ZNF138: variants seen among roughly 807,000 people sequenced by gnomAD.
ZNF138 encodes the protein zinc finger protein 138 (clone pHZ-32).
A neutral mutation model predicts 33.0 loss-of-function variants in ZNF138; 33 were observed. The observed-to-expected ratio is 1.00, with a 90% CI of 0.76 to 1.34. The LOEUF is 1.34. ZNF138 is among the 40% of genes most tolerant of loss of function. The pLI is 0.00. For missense variants in ZNF138, 360 were observed against 370.8 expected, an observed-to-expected ratio of 0.97 and a Z score of 0.24; for synonymous variants, 139 against 120.4, an observed-to-expected ratio of 1.15 and a Z score of -1.01.
In ZNF138 at chr7:64,805,054, C is replaced by G. The variant is rs573316387; in HGVS notation, c.4-9864C>G. On this transcript the variant is annotated intron_variant, in intron 1 of 3. Transcript: ENST00000307355. ...GGAGAACTCTTGGAGCTATCCCTAT[C>G]TGGACTCATGCTGAAAATCCAGCAG... is the stretch of plus-strand genomic sequence containing the variant. Among the ~76,000 whole-genome samples, 6 of 152,258 alleles carry G rather than the reference C, an allele frequency of 3.9e-5. No homozygotes were observed. In the South Asian group the frequency reaches 8.3e-4, roughly 21 times the overall value.
At chr7:64,845,746 G>A in the ZNF138 span, among the ~76,000 whole-genome samples, 2 of 152,040 alleles carry the variant, frequency 1.3e-5, no homozygotes, top group East Asian at 3.9e-4. Context: ...GTCTTTTCGT[G>A]TTTTTAGCAC....
chr7:64,813,503 C>G (rs1362309515), intron 1 of ZNF138, among the ~76,000 whole-genome samples: 2 of 151,052 alleles, frequency 1.3e-5, no homozygotes, highest in Admixed American at 1.3e-4. Flanking sequence ...GCGGGATCTC[C>G]GCTCACTGCA....
intron 1 of ZNF138, among the ~76,000 whole-genome samples, chr7:64,796,703 G>A (rs1786713903): frequency 6.6e-6 from 1 of 152,154 alleles, no homozygotes; most frequent in Non-Finnish European, 1.5e-5. Context: ...ATGCTACCAA[G>A]GAAAAGAATA....
the ZNF138 span, among the ~76,000 whole-genome samples, chr7:64,841,460 T>A: frequency 6.6e-6 from 1 of 152,042 alleles, no homozygotes; most frequent in Non-Finnish European, 1.5e-5. Context: ...TGCTCCATGA[T>A]AAGCCATAAA....
chr7:64,839,180 G>C, the ZNF138 span, among the ~76,000 whole-genome samples: 4 of 152,178 alleles, frequency 2.6e-5, no homozygotes, highest in South Asian at 2.1e-4. Flanking sequence ...GTGTGCCTTC[G>C]GGGGGCCAGC....
At chr7:64,848,436 A>G in the ZNF138 span, among the ~76,000 whole-genome samples, 23 of 151,518 alleles carry the variant, frequency 1.5e-4, no homozygotes, top group African/African-American at 5.6e-4. Flanking sequence ...GCTTGATTCT[A>G]TTGCTGAGAC....
At chr7:64,837,850 G>A (rs1385911903), downstream of ZNF138, among the ~76,000 whole-genome samples, 1 of 152,178 alleles carries the variant, frequency 6.6e-6, no homozygotes, top group Admixed American at 6.5e-5. Flanking sequence ...CTGAGAAAGT[G>A]TTTACTAAAG....
At chr7:64,838,431 G>A (rs1057125160), downstream of ZNF138, among the ~76,000 whole-genome samples, 16 of 152,034 alleles carry the variant, frequency 1.1e-4, no homozygotes, top group South Asian at 6.2e-4. Context: ...CTGAGTTGCC[G>A]CACTTGAAGC....
chr7:64,799,110 A>G (rs1310441769), intron 1 of ZNF138, among the ~76,000 whole-genome samples: 1 of 151,988 alleles, frequency 6.6e-6, no homozygotes, highest in Non-Finnish European at 1.5e-5. Flanking sequence ...GATAAGAATG[A>G]CATTAGATCT....
At chr7:64,820,330 T>C (rs1469396929) in intron 3 of ZNF138, among the ~76,000 whole-genome samples, 2 of 151,772 alleles carry the variant, frequency 1.3e-5, no homozygotes, top group East Asian at 3.9e-4. Context: ...TCAGGTGATA[T>C]AATATTCTCA....
At chr7:64,837,842 G>C (rs1031692541), downstream of ZNF138, among the ~76,000 whole-genome samples, 2 of 152,204 alleles carry the variant, frequency 1.3e-5, no homozygotes, top group African/African-American at 4.8e-5. Context: ...AACCTAACCT[G>C]AGAAAGTGTT....
chr7:64,853,082 A>G, the ZNF138 span: 1 of 1,418,840 alleles, frequency 7.0e-7, no homozygotes, highest in Non-Finnish European at 1.0e-6. Flanking sequence ...AGAGTCGTCT[A>G]CAATTGGGTA....
At chr7:64,839,193 G>T in the ZNF138 span, among the ~76,000 whole-genome samples, 1 of 152,230 alleles carries the variant, frequency 6.6e-6, no homozygotes, top group African/African-American at 2.4e-5. Flanking sequence ...GGGCCAGCGA[G>T]ATTGGTTGTC....
chr7:64,849,820 G>C, the ZNF138 span, among the ~76,000 whole-genome samples: 1 of 151,988 alleles, frequency 6.6e-6, no homozygotes, highest in Non-Finnish European at 1.5e-5. Context: ...CAAGAGCACC[G>C]AGTGTTCTGC....
intron 1 of ZNF138, among the ~76,000 whole-genome samples, chr7:64,809,595 GACC>G (rs1787950295): frequency 6.9e-6 from 1 of 145,974 alleles, no homozygotes; most frequent in Admixed American, 6.7e-5. Context: ...GCGGGGGGCT[GACC>G]CCCCCCACAC....
At chr7:64,834,996 A>G (rs992020212), downstream of ZNF138, among the ~76,000 whole-genome samples, 41 of 152,300 alleles carry the variant, frequency 2.7e-4, no homozygotes, top group Non-Finnish European at 5.1e-4. Context: ...ACTGGTCCAC[A>G]GGGGGAGGGC....
chr7:64,829,745 C>A (rs1263691797), intron 3 of ZNF138, among the ~76,000 whole-genome samples: 4 of 151,608 alleles, frequency 2.6e-5, no homozygotes, highest in Non-Finnish European at 5.9e-5. Context: ...GAAATGTTTT[C>A]TGCACTATTA....
rs922757940 is a variant in ZNF138, at chr7:64,831,610, G to T, written c.368G>T (p.Gly123Val). The change falls in exon 4 of 4, where the codon GGT (glycine) becomes GTT (valine). Residue 123 changes from glycine to valine, a missense_variant. By Grantham distance (109) the Gly-to-Val change is moderately radical (BLOSUM62 -3). Coordinates refer to ENST00000307355, the MANE Select transcript of ZNF138 (RefSeq NM_001271639.2). ...SVDECKGHQGGFNGLNQCLKI... is the reference protein window; with the variant it reads ...SVDECKGHQGVFNGLNQCLKI... ...GATGAGTGTAAGGGACACCAAGGAG[G>T]TTTTAATGGACTTAACCAATGTTTG... is the stretch of plus-strand genomic sequence containing the variant. The T allele has an allele frequency of 1.9e-6, 3 of 1,612,274 alleles. No individual in the cohort carries two copies. The highest frequency in any genetic ancestry group is 1.7e-5 in the Admixed American group (1 of 59,676).
At chr7:64,819,468 A>G (rs1788937309) in intron 3 of ZNF138, among the ~76,000 whole-genome samples, 1 of 151,696 alleles carries the variant, frequency 6.6e-6, no homozygotes, top group African/African-American at 2.4e-5. Flanking sequence ...TTTAGGCTCA[A>G]GTGATTCTCC....
Sources: allele counts gnomAD v4.1 joint callset (sites outside exome capture counted in the v4.1 genomes callset), GRCh38; gene constraint gnomAD v4.1.1; transcripts MANE v1.5; gene names NCBI Gene and HGNC (gene_info 2026-07-23, HGNC 2026-07-21).